Variants in BMX observed in about 807,000 individuals in gnomAD.
BMX encodes the protein BMX non-receptor tyrosine kinase.
A neutral mutation model predicts 59.2 loss-of-function variants in BMX; 31 were observed. That is an observed-to-expected ratio of 0.52 (90% CI 0.39 to 0.71). The LOEUF is 0.71. Among genes scored for constraint, BMX ranks in the 30% least tolerant of loss-of-function variants. BMX has a pLI of 0.00. For missense variants in BMX, 474 were observed against 491.7 expected (o/e 0.96, Z 0.34); for synonymous variants, 185 against 181.0 (o/e 1.02, Z -0.18).
intron 16 of BMX, 72 bp from the exon 17 acceptor site, chrX:15,546,731 G>A: frequency 1.2e-6 from 1 of 850,597 alleles, no homozygotes; most frequent in South Asian, 2.4e-5. Flanking sequence ...GAGACTCTGG[G>A]TGGCTTCCGT....
At chrX:15,508,278 A>T in intron 1 of BMX, 67 bp from the exon 2 acceptor site, 1 of 764,430 alleles carries the variant, frequency 1.3e-6, no homozygotes, top group East Asian at 3.6e-5. Context: ...TGAGGAAAAG[A>T]TATGAAGGTT....
chrX:15,522,489 C>T lies in BMX; in HGVS notation c.654C>T (p.Ser218=), dbSNP rs201145902. ...GTACCAGTCTAGCGCAATATGACAGCAACTCAAAGAAAATCTATGGCTCCC... is the reference window on the plus strand; with the variant it reads ...GTACCAGTCTAGCGCAATATGACAGTAACTCAAAGAAAATCTATGGCTCCC... ...SSSTSLAQYD[S]NSKKIYGSQP... is the part of the protein sequence containing the mutation. Residue 218 remains serine (S), a synonymous_variant, in exon 7 of 19, where the codon AGC becomes AGT. Transcript: ENST00000348343. 5.0e-6 allele frequency: 6 copies of T among 1,210,995 alleles called. No homozygotes were observed. In the East Asian group the frequency reaches 1.8e-4, roughly 36 times the overall value.
intron 1 of BMX, chrX:15,507,331 A>G (rs1323530605): frequency 1.3e-6 from 1 of 753,873 alleles, no homozygotes; most frequent in East Asian, 1.5e-4. Flanking sequence ...ATGGTGCCTC[A>G]AAGCAGTAAC....
At chrX:15,517,476 G>A (rs1924214705) in intron 5 of BMX, among the ~76,000 whole-genome samples, 1 of 111,990 alleles carries the variant, frequency 8.9e-6, no homozygotes, top group Non-Finnish European at 1.9e-5. Flanking sequence ...CCTTGGGATT[G>A]CCTTCCTAGG....
chrX:15,519,783 T>C (rs931825559), intron 6 of BMX, among the ~76,000 whole-genome samples: 1 of 111,240 alleles, frequency 9.0e-6, no homozygotes, highest in African/African-American at 3.3e-5. Context: ...TGTGCAGAAA[T>C]TGTATGGTGA....
chrX:15,548,403 G>A (rs1228793084), intron 17 of BMX, among the ~76,000 whole-genome samples: 1 of 111,348 alleles, frequency 9.0e-6, no homozygotes, highest in Admixed American at 9.6e-5. Context: ...TTTACAGTGA[G>A]CTGAGATTGT....
intron 4 of BMX, among the ~76,000 whole-genome samples, chrX:15,515,229 T>G (rs1302556129): frequency 4.6e-5 from 5 of 109,635 alleles, no homozygotes; most frequent in Non-Finnish European, 9.5e-5. Flanking sequence ...GATGATGGGT[T>G]GATGGGTGCA....
In BMX at chrX:15,556,187, C is replaced by G; in HGVS notation, c.*40C>G. The G allele has an allele frequency of 9.0e-7, 1 of 1,110,766 alleles. No individual in the cohort carries two copies. The allele number at this position is 1,110,766 out of a possible 1,213,427, so 91.5% of individuals were successfully genotyped here. ...GTGCTGATAAGAATGAATATAGATG[C>G]TGGCCAGCATTTTCATTCATTTTAA... On this transcript the variant is annotated 3_prime_UTR_variant, in exon 19 of 19. Coordinates refer to ENST00000348343, the MANE Select transcript of BMX (RefSeq NM_203281.3).
At chrX:15,525,177 G>A in intron 7 of BMX, 111 bp from the exon 8 acceptor site, 1 of 745,072 alleles carries the variant, frequency 1.3e-6, no homozygotes. Flanking sequence ...GAAATGTGTG[G>A]GTCAAAATGT....
chrX:15,522,228 T>A, intron 6 of BMX, 118 bp from the exon 7 acceptor site: 2 of 851,623 alleles, frequency 2.3e-6, no homozygotes, highest in Non-Finnish European at 3.3e-6. Context: ...CCTCCCTTCC[T>A]CCCTCCCTTC....
At chrX:15,506,898 T>C (rs1399614366) in intron 1 of BMX, among the ~76,000 whole-genome samples, 2 of 112,909 alleles carry the variant, frequency 1.8e-5, no homozygotes, top group Non-Finnish European at 3.7e-5. Context: ...TTATATTGAA[T>C]GGATAAGATT....
intron 15 of BMX, among the ~76,000 whole-genome samples, chrX:15,542,842 C>A (rs776912780): frequency 5.5e-4 from 62 of 111,754 alleles, no homozygotes; most frequent in African/African-American, 1.9e-3. Flanking sequence ...AGTGTAATAC[C>A]TTTTCATGTT....
chrX:15,522,232 T>A, intron 6 of BMX, 114 bp from the exon 7 acceptor site: 1 of 823,335 alleles, frequency 1.2e-6, no homozygotes, highest in Non-Finnish European at 1.7e-6. Flanking sequence ...CCTTCCTCCC[T>A]CCCTTCTCTC....
chrX:15,553,808 C>G (rs999135337), intron 18 of BMX, among the ~76,000 whole-genome samples: 6 of 111,350 alleles, frequency 5.4e-5, no homozygotes, highest in Non-Finnish European at 1.1e-4. Flanking sequence ...CTCCCTGGCC[C>G]TCCCTACTCT....
At chrX:15,524,811 G>C (rs1020486066) in intron 7 of BMX, among the ~76,000 whole-genome samples, 1 of 111,828 alleles carries the variant, frequency 8.9e-6, no homozygotes, top group Non-Finnish European at 1.9e-5. Flanking sequence ...CCAAATAAAA[G>C]AGATAAAATG....
At chrX:15,523,629 T>G (rs1924574460) in intron 7 of BMX, among the ~76,000 whole-genome samples, 1 of 111,632 alleles carries the variant, frequency 9.0e-6, no homozygotes, top group Non-Finnish European at 1.9e-5. Context: ...CAGCCCACCA[T>G]TCTTGTGGAA....
At chrX:15,506,043 C>T (rs1923728540) in intron 1 of BMX, among the ~76,000 whole-genome samples, 1 of 110,790 alleles carries the variant, frequency 9.0e-6, no homozygotes, top group African/African-American at 3.3e-5. Context: ...GTGCATGCCA[C>T]CATGTCTGCT....
At chrX:15,534,997 C>A (rs1339214756) in intron 12 of BMX, among the ~76,000 whole-genome samples, 31 of 111,637 alleles carry the variant, frequency 2.8e-4, no homozygotes, top group Non-Finnish European at 7.5e-5. Flanking sequence ...ATGGATGTTT[C>A]AGTGCACAAT....
At chrX:15,539,588 A>C (rs1166695146) in intron 14 of BMX, among the ~76,000 whole-genome samples, 1 of 112,073 alleles carries the variant, frequency 8.9e-6, no homozygotes, top group Non-Finnish European at 1.9e-5. Context: ...CATGATAAGC[A>C]TTGTCCCTAT....
Sources: gnomAD v4.1 joint callset for allele counts (sites outside exome capture counted in the v4.1 genomes callset) on GRCh38, gnomAD v4.1.1 for gene constraint, MANE v1.5 for transcripts, NCBI Gene and HGNC (gene_info 2026-07-23, HGNC 2026-07-21) for gene names.